Variants in CADM2 observed in about 807,000 individuals in gnomAD.
CADM2 encodes immunoglobulin superfamily member 4D.
CADM2 carries 12 observed loss-of-function variants against 49.8 expected under a neutral mutation model. That is an observed-to-expected ratio of 0.24 (90% CI 0.15 to 0.39). The LOEUF (loss-of-function observed/expected upper bound fraction) is 0.39, where lower values mean the gene tolerates loss of function less well. CADM2 is among the 10% of genes least tolerant of loss of function. The pLI is 1.00. For synonymous variants in CADM2, 214 were observed against 175.4 expected (o/e 1.22, Z -1.74); for missense variants, 378 against 492.3 (o/e 0.77, Z 2.20).
At chr3:85,836,262 G>A (rs187775654) in intron 3 of CADM2, among the ~76,000 whole-genome samples, 1 of 151,464 alleles carries the variant, frequency 6.6e-6, no homozygotes, top group East Asian at 1.9e-4. Context: ...GAAGAGTTCT[G>A]GAAAAAAGCC....
chr3:85,176,024 G>T (rs1019712320), intron 1 of CADM2, among the ~76,000 whole-genome samples: 3 of 146,292 alleles, frequency 2.1e-5, no homozygotes, highest in African/African-American at 7.8e-5. Context: ...CGCCTCCCGG[G>T]TTCACGCCAT....
At chr3:85,233,430 T>G (rs1220822417) in intron 1 of CADM2, among the ~76,000 whole-genome samples, 1 of 152,148 alleles carries the variant, frequency 6.6e-6, no homozygotes, top group African/African-American at 2.4e-5. Context: ...TCGTAACTCA[T>G]GTGCCACACT....
intron 1 of CADM2, among the ~76,000 whole-genome samples, chr3:85,211,598 C>T (rs2041781722): frequency 1.3e-5 from 2 of 152,026 alleles, no homozygotes; most frequent in Admixed American, 1.3e-4. Context: ...TTCCAAAATT[C>T]CTCTTTGTGT....
intron 8 of CADM2, among the ~76,000 whole-genome samples, chr3:85,968,582 A>G (rs188022500): frequency 4.0e-5 from 6 of 151,796 alleles, no homozygotes; most frequent in Admixed American, 3.3e-4. Flanking sequence ...CAATTTCATC[A>G]TTAAAAAAAT....
intron 1 of CADM2, among the ~76,000 whole-genome samples, chr3:85,244,672 G>T (rs781778235): frequency 1.3e-5 from 2 of 152,100 alleles, no homozygotes; most frequent in Non-Finnish European, 2.9e-5. Flanking sequence ...ACTGAAGGCT[G>T]CTATCCGAAA....
At chr3:86,040,498 A>T (rs577503545) in intron 8 of CADM2, among the ~76,000 whole-genome samples, 1 of 152,330 alleles carries the variant, frequency 6.6e-6, no homozygotes, top group South Asian at 2.1e-4. Flanking sequence ...GGAAGATCAA[A>T]TGAATTAAAT....
intron 1 of CADM2, among the ~76,000 whole-genome samples, chr3:84,969,238 G>A (rs2031237057): frequency 6.6e-6 from 1 of 151,780 alleles, no homozygotes; most frequent in African/African-American, 2.4e-5. Flanking sequence ...TTATGCTTAT[G>A]GCAATAAAAA....
intron 1 of CADM2, among the ~76,000 whole-genome samples, chr3:85,103,582 C>T (rs935483673): frequency 3.3e-5 from 5 of 152,014 alleles, no homozygotes; most frequent in African/African-American, 7.2e-5. Flanking sequence ...ACAGAATAAC[C>T]GAATGGGAGT....
chr3:85,039,652 C>T (rs971628030), intron 1 of CADM2, among the ~76,000 whole-genome samples: 2 of 152,168 alleles, frequency 1.3e-5, no homozygotes, highest in Non-Finnish European at 2.9e-5. Context: ...TGTATACTAT[C>T]TATCTTGAAA....
chr3:85,847,220 AAC>A (rs2074920606), intron 3 of CADM2, among the ~76,000 whole-genome samples: 1 of 152,212 alleles, frequency 6.6e-6, no homozygotes, highest in Non-Finnish European at 1.5e-5. Flanking sequence ...CAAAATCTAG[AAC>A]ACACTAAGAG....
At chr3:85,202,225 C>G (rs543678577) in intron 1 of CADM2, among the ~76,000 whole-genome samples, 32 of 152,158 alleles carry the variant, frequency 2.1e-4, no homozygotes, top group African/African-American at 7.5e-4. Flanking sequence ...CTTTTGACTT[C>G]CTCTCATGAA....
intron 1 of CADM2, among the ~76,000 whole-genome samples, chr3:85,352,912 G>T (rs561794634): frequency 6.6e-6 from 1 of 152,132 alleles, no homozygotes; most frequent in East Asian, 1.9e-4. Context: ...CTAGAATGAT[G>T]CTAAGCTTTA....
At chr3:85,515,110 TAAC>T (rs1238136804) in intron 1 of CADM2, among the ~76,000 whole-genome samples, 1 of 152,174 alleles carries the variant, frequency 6.6e-6, no homozygotes, top group East Asian at 1.9e-4. Flanking sequence ...AATTTCTTGT[TAAC>T]TCAATCCTTT....
chr3:85,433,391 T>G (rs996256307), intron 1 of CADM2, among the ~76,000 whole-genome samples: 1 of 152,076 alleles, frequency 6.6e-6, no homozygotes, highest in South Asian at 2.1e-4. Context: ...CTGTTTCAAA[T>G]AGGCTGCTAA....
At chr3:84,971,644 C>A (rs560943666) in intron 1 of CADM2, among the ~76,000 whole-genome samples, 117 of 152,020 alleles carry the variant, frequency 7.7e-4, no homozygotes, top group African/African-American at 2.7e-3. Flanking sequence ...ATTGACTGTG[C>A]AAGTATAGAC....
At chr3:86,057,121 G>A (rs1336348187) in intron 8 of CADM2, among the ~76,000 whole-genome samples, 5 of 152,100 alleles carry the variant, frequency 3.3e-5, no homozygotes, top group African/African-American at 1.2e-4. Context: ...GTCAGAAACA[G>A]TAATTGTACA....
intron 1 of CADM2, among the ~76,000 whole-genome samples, chr3:85,226,055 A>C (rs1172690893): frequency 1.3e-5 from 2 of 152,050 alleles, no homozygotes; most frequent in Non-Finnish European, 2.9e-5. Context: ...TATTGGCCTA[A>C]AATTTTGTTG....
intron 1 of CADM2, among the ~76,000 whole-genome samples, chr3:85,328,098 A>T (rs1415817491): frequency 6.6e-6 from 1 of 152,210 alleles, no homozygotes; most frequent in African/African-American, 2.4e-5. Context: ...AAATTGTGAA[A>T]ATATGACTTA....
chr3:85,847,239 T>C (rs1559698075), intron 3 of CADM2, among the ~76,000 whole-genome samples: 1 of 152,240 alleles, frequency 6.6e-6, no homozygotes, highest in Non-Finnish European at 1.5e-5. Context: ...AGAGGCTTTT[T>C]ATCCACTTAA....
Sources: allele counts gnomAD v4.1 joint callset (sites outside exome capture counted in the v4.1 genomes callset), GRCh38; gene constraint gnomAD v4.1.1; transcripts MANE v1.5; gene names NCBI Gene and HGNC (gene_info 2026-07-23, HGNC 2026-07-21).